Variants in ITGA9 observed in about 807,000 individuals in gnomAD.
The protein encoded by ITGA9 is integrin subunit alpha 9.
Under a neutral mutation model 127.8 loss-of-function variants are expected in ITGA9, and 56 were observed. The observed-to-expected ratio is 0.44, with a 90% CI of 0.35 to 0.55. The LOEUF (loss-of-function observed/expected upper bound fraction) is 0.55. ITGA9 is among the 20% of genes least tolerant of loss of function. The pLI is 0.00. For missense variants in ITGA9, 1,196 were observed against 1,347.1 expected, an observed-to-expected ratio of 0.89 and a Z score of 1.76; for synonymous variants, 508 against 514.5, an observed-to-expected ratio of 0.99 and a Z score of 0.17.
intron 23 of ITGA9, among the ~76,000 whole-genome samples, chr3:37,758,076 C>T (rs557414661): frequency 2.7e-4 from 41 of 150,564 alleles, no homozygotes; most frequent in African/African-American, 9.1e-4. Flanking sequence ...GTAATCCCAG[C>T]ACTTTGGGAG....
chr3:37,670,472 T>C (rs1700627336), intron 17 of ITGA9, among the ~76,000 whole-genome samples: 1 of 152,230 alleles, frequency 6.6e-6, no homozygotes, highest in African/African-American at 2.4e-5. Flanking sequence ...AGGAAATGAT[T>C]GCATTTTGTT....
intron 17 of ITGA9, among the ~76,000 whole-genome samples, chr3:37,674,547 T>G (rs188368992): frequency 4.9e-4 from 74 of 152,304 alleles, no homozygotes; most frequent in African/African-American, 1.6e-3. Context: ...TTCAGAAATA[T>G]ACACCCCTCA....
chr3:37,592,676 A>G (rs1372756051), intron 15 of ITGA9, among the ~76,000 whole-genome samples: 2 of 152,018 alleles, frequency 1.3e-5, no homozygotes, highest in Non-Finnish European at 2.9e-5. Flanking sequence ...GTGGATTGAG[A>G]ATATGTAGGG....
At chr3:37,728,229 A>G (rs904961011) in intron 18 of ITGA9, among the ~76,000 whole-genome samples, 1 of 152,196 alleles carries the variant, frequency 6.6e-6, no homozygotes, top group African/African-American at 2.4e-5. Context: ...AATCTCTCCC[A>G]TATGCATCCT....
At chr3:37,470,654 G>A (rs1698420669) in intron 1 of ITGA9, among the ~76,000 whole-genome samples, 1 of 152,272 alleles carries the variant, frequency 6.6e-6, no homozygotes, top group Admixed American at 6.5e-5. Context: ...GGGACTAAAA[G>A]CGTGCGCTGC....
At chr3:37,810,294 T>TCTG (rs986317287) in intron 27 of ITGA9, among the ~76,000 whole-genome samples, 1 of 152,150 alleles carries the variant, frequency 6.6e-6, no homozygotes, top group African/African-American at 2.4e-5. Context: ...AGCCTGAAGG[T>TCTG]CTGCATGCTT....
Position 37,629,797 on chromosome 3 carries a change from G to A in ITGA9, c.1839+461G>A, listed in dbSNP as rs1357842803. Among the ~76,000 whole-genome samples, 1 of 152,216 alleles carries A rather than the reference G, an allele frequency of 6.6e-6. No homozygotes were observed. The highest frequency in any genetic ancestry group is 2.4e-5 in the African/African-American group (1 of 41,452). ...AAGAGTCCCTGGAAACCAGAGCACT[G>A]GGGCAAGTACAGGTGGTCCACACTC... On this transcript the variant is annotated intron_variant, in intron 16 of 27. Transcript: ENST00000264741. The surrounding 1 kb of genome is among the most constrained non-coding windows in gnomAD (Gnocchi z 4.5).
Position 37,466,775 on chromosome 3 carries a change from TG to T in ITGA9, c.186-4231del, listed in dbSNP as rs148994316. 3.1e-3 allele frequency among the ~76,000 whole-genome samples: 466 copies of T among 152,242 alleles called. 3 individuals carry two copies. Among genetic ancestry groups the T allele is most frequent in the African/African-American group, 0.01 (421 of 41,540 alleles). ...ATGCTGCTGGTCTGAGGACCACACT[TG>T]AAGTAGCAAGCAAAGCAGAGAAGTA... On this transcript the variant is annotated intron_variant, in intron 1 of 27. Transcript: ENST00000264741.
At chr3:37,741,853 G>A (rs1696441271) in intron 21 of ITGA9, 34 bp downstream of exon 21, 1 of 1,532,000 alleles carries the variant, frequency 6.5e-7, no homozygotes, top group Non-Finnish European at 9.0e-7. Context: ...CCACAACACA[G>A]GAGTGCCCTC....
chr3:37,666,856 G>A (rs1700591454), intron 17 of ITGA9, among the ~76,000 whole-genome samples: 3 of 152,180 alleles, frequency 2.0e-5, no homozygotes, highest in Admixed American at 1.3e-4. Flanking sequence ...TTGTCCTGCA[G>A]GGAAACGTAC....
At chr3:37,726,000 G>T (rs1442068759) in intron 18 of ITGA9, among the ~76,000 whole-genome samples, 1 of 152,208 alleles carries the variant, frequency 6.6e-6, no homozygotes, top group African/African-American at 2.4e-5. Flanking sequence ...TCCCCTCTGG[G>T]AATACGACTG....
intron 17 of ITGA9, among the ~76,000 whole-genome samples, chr3:37,669,758 G>C (rs986994241): frequency 1.3e-5 from 2 of 152,194 alleles, no homozygotes; most frequent in African/African-American, 4.8e-5. Flanking sequence ...ACCCCTTCAG[G>C]CTGGTCCAGG....
At chr3:37,578,165 T>A (rs1384332045) in intron 15 of ITGA9, among the ~76,000 whole-genome samples, 1 of 152,222 alleles carries the variant, frequency 6.6e-6, no homozygotes. Flanking sequence ...GAAGACACTC[T>A]ACTGTGGTTC....
intron 15 of ITGA9, among the ~76,000 whole-genome samples, chr3:37,568,491 G>C (rs543434433): frequency 6.6e-6 from 1 of 152,176 alleles, no homozygotes; most frequent in Non-Finnish European, 1.5e-5. Context: ...TCAGAAAATG[G>C]ATTTTTCTTT....
At chr3:37,475,637 C>G (rs779134472) in intron 3 of ITGA9, among the ~76,000 whole-genome samples, 3 of 152,196 alleles carry the variant, frequency 2.0e-5, no homozygotes, top group Non-Finnish European at 4.4e-5. Flanking sequence ...ATCATCCACT[C>G]AGTAAGCCAC....
Position 37,555,657 on chromosome 3 carries a change from A to G in ITGA9, c.1689+13072A>G, listed in dbSNP as rs1038170714. On this transcript the variant is annotated intron_variant, in intron 15 of 27. Transcript: ENST00000264741. ...ACACAGCCAAATGGAAATACAAATAATAGATTGAGGTCACATTGACTGTTT... is the reference window on the plus strand; with the variant it reads ...ACACAGCCAAATGGAAATACAAATAGTAGATTGAGGTCACATTGACTGTTT... Among the ~76,000 whole-genome samples the G allele has an allele frequency of 4.1e-4, 62 of 152,238 alleles. 1 individual carries two copies.
At chr3:37,817,491 A>G (rs1013380894) in intron 27 of ITGA9, among the ~76,000 whole-genome samples, 7 of 152,238 alleles carry the variant, frequency 4.6e-5, no homozygotes, top group Admixed American at 2.0e-4. Context: ...AAGATTTGTC[A>G]TCAAGCTGGT....
intron 5 of ITGA9, among the ~76,000 whole-genome samples, chr3:37,501,485 T>C (rs1317607594): frequency 2.0e-5 from 3 of 152,196 alleles, no homozygotes; most frequent in African/African-American, 7.2e-5. Context: ...CAGAGTTCGA[T>C]GAGTTTTGAC....
intron 15 of ITGA9, among the ~76,000 whole-genome samples, chr3:37,577,785 A>G (rs960299196): frequency 1.3e-5 from 2 of 152,224 alleles, no homozygotes; most frequent in African/African-American, 4.8e-5. Flanking sequence ...TGCGCAGAAC[A>G]TGTGAAATTT....
Sources: allele counts gnomAD v4.1 joint callset (sites outside exome capture counted in the v4.1 genomes callset), GRCh38; gene constraint gnomAD v4.1.1; non-coding constraint Gnocchi (gnomAD v3.1); transcripts MANE v1.5; gene names NCBI Gene and HGNC (gene_info 2026-07-23, HGNC 2026-07-21).